CNTNAP2: variants seen among roughly 807,000 people sequenced by gnomAD.
The protein encoded by CNTNAP2 is contactin associated protein 2, also known as contactin-associated protein-like 2.
In CNTNAP2, 98 loss-of-function variants were observed where a neutral mutation model predicts 155.2. That is an observed-to-expected ratio of 0.63 (90% CI 0.54 to 0.75). The LOEUF (loss-of-function observed/expected upper bound fraction) is 0.75. Among genes scored for constraint, CNTNAP2 ranks in the 30% least tolerant of loss-of-function variants. The pLI is 0.00. For missense variants in CNTNAP2, 1,727 were observed against 1,688.1 expected, an observed-to-expected ratio of 1.02 and a Z score of -0.40; for synonymous variants, 651 against 631.2, an observed-to-expected ratio of 1.03 and a Z score of -0.47.
intron 14 of CNTNAP2, among the ~76,000 whole-genome samples, chr7:147,962,728 C>T (rs1585050700): frequency 6.6e-6 from 1 of 152,300 alleles, no homozygotes; most frequent in African/African-American, 2.4e-5. Flanking sequence ...GTGGTAGGCA[C>T]TGTGCTAAGT....
At chr7:146,840,946 A>T (rs1009814674) in intron 3 of CNTNAP2, among the ~76,000 whole-genome samples, 1 of 152,212 alleles carries the variant, frequency 6.6e-6, no homozygotes, top group Non-Finnish European at 1.5e-5. Flanking sequence ...ATATTTGTGT[A>T]TTAGGATGTA....
intron 11 of CNTNAP2, among the ~76,000 whole-genome samples, chr7:147,538,565 G>T (rs758884572): frequency 2.2e-4 from 34 of 151,990 alleles, no homozygotes; most frequent in African/African-American, 8.2e-4. Context: ...CAGGAGGATC[G>T]CTTGAGCCCA....
intron 13 of CNTNAP2, among the ~76,000 whole-genome samples, chr7:147,702,189 G>A (rs960505648): frequency 9.9e-5 from 15 of 150,858 alleles, no homozygotes; most frequent in African/African-American, 3.2e-4. Flanking sequence ...GACATCTCTC[G>A]TCGGATCCAC....
chr7:147,793,366 G>A (rs745921180), intron 13 of CNTNAP2, among the ~76,000 whole-genome samples: 1 of 152,032 alleles, frequency 6.6e-6, no homozygotes, highest in Non-Finnish European at 1.5e-5. Flanking sequence ...TTTGTATATG[G>A]TGTGAGATAG....
At chr7:148,242,381 G>A (rs1023697568) in intron 20 of CNTNAP2, among the ~76,000 whole-genome samples, 1 of 152,224 alleles carries the variant, frequency 6.6e-6, no homozygotes, top group African/African-American at 2.4e-5. Flanking sequence ...GCAGGGAGAA[G>A]TCAGTCCTGG....
At chr7:146,874,289 C>CT (rs528509310) in intron 3 of CNTNAP2, among the ~76,000 whole-genome samples, 8 of 151,992 alleles carry the variant, frequency 5.3e-5, no homozygotes, top group African/African-American at 1.7e-4. Flanking sequence ...TCTATTAGAA[C>CT]TTTGTCTAGA....
At chr7:147,099,362 C>T (rs906473875) in intron 4 of CNTNAP2, among the ~76,000 whole-genome samples, 6 of 151,934 alleles carry the variant, frequency 3.9e-5, no homozygotes, top group African/African-American at 1.2e-4. Context: ...TCAGCAAGGC[C>T]CCAGATGTCA....
chr7:147,621,302 C>T (rs1352518598), intron 12 of CNTNAP2, among the ~76,000 whole-genome samples: 1 of 152,020 alleles, frequency 6.6e-6, no homozygotes, highest in Non-Finnish European at 1.5e-5. Context: ...AGTACAAACT[C>T]ACTGGTAATA....
chr7:146,495,886 G>A (rs111754547), intron 1 of CNTNAP2, among the ~76,000 whole-genome samples: 2,253 of 152,172 alleles, frequency 0.015, 60 homozygotes, highest in African/African-American at 0.052. Flanking sequence ...AATTCACCTT[G>A]CCAGAATTTC....
intron 1 of CNTNAP2, among the ~76,000 whole-genome samples, chr7:146,542,610 C>T (rs1797968886): frequency 6.6e-6 from 1 of 151,906 alleles, no homozygotes; most frequent in Non-Finnish European, 1.5e-5. Context: ...CCCCTTACTT[C>T]CTGTGATATG....
At chr7:146,217,339 T>C in intron 1 of CNTNAP2, among the ~76,000 whole-genome samples, 1 of 152,236 alleles carries the variant, frequency 6.6e-6, no homozygotes, top group East Asian at 1.9e-4. Context: ...ACATACTCTT[T>C]ATGACAATCC....
At chr7:147,734,771 C>T (rs1158139259) in intron 13 of CNTNAP2, among the ~76,000 whole-genome samples, 1 of 152,122 alleles carries the variant, frequency 6.6e-6, no homozygotes, top group African/African-American at 2.4e-5. Context: ...AGGAATTTAT[C>T]CATGTCTTCT....
intron 15 of CNTNAP2, among the ~76,000 whole-genome samples, chr7:148,027,766 G>A (rs1802400025): frequency 6.6e-6 from 1 of 152,038 alleles, no homozygotes; most frequent in Admixed American, 6.6e-5. Flanking sequence ...AAAAAAGAAA[G>A]GATTTCATAG....
chr7:148,163,801 T>C (rs1805596580), intron 17 of CNTNAP2, among the ~76,000 whole-genome samples: 2 of 152,256 alleles, frequency 1.3e-5, no homozygotes, highest in South Asian at 4.1e-4. Flanking sequence ...AGCTCTGCAC[T>C]AAAGAATATG....
intron 1 of CNTNAP2, among the ~76,000 whole-genome samples, chr7:146,693,318 AT>A (rs907353473): frequency 6.6e-6 from 1 of 152,040 alleles, no homozygotes; most frequent in African/African-American, 2.4e-5. Flanking sequence ...TAGATGTCTT[AT>A]TTTTTGACAT....
intron 19 of CNTNAP2, among the ~76,000 whole-genome samples, chr7:148,217,877 CACTT>C (rs1254308074): frequency 6.6e-6 from 1 of 152,264 alleles, no homozygotes; most frequent in African/African-American, 2.4e-5. Context: ...GTAATCCCAG[CACTT>C]TGGGAGGCCA....
intron 15 of CNTNAP2, among the ~76,000 whole-genome samples, chr7:148,042,215 G>C (rs185434564): frequency 1.9e-3 from 283 of 152,336 alleles, no homozygotes; most frequent in African/African-American, 6.7e-3. Flanking sequence ...CTTCAGTCAA[G>C]TTCAGTAGCA....
chr7:147,358,069 T>A (rs896587143), intron 9 of CNTNAP2, among the ~76,000 whole-genome samples: 11 of 152,150 alleles, frequency 7.2e-5, no homozygotes, highest in Non-Finnish European at 1.3e-4. Flanking sequence ...AACTTTCTTA[T>A]GATATCATGC....
chr7:147,102,627 A>C (rs892091267), intron 4 of CNTNAP2, among the ~76,000 whole-genome samples: 1 of 152,120 alleles, frequency 6.6e-6, no homozygotes, highest in African/African-American at 2.4e-5. Flanking sequence ...GTTTTGTTCC[A>C]TTTTCCCCAA....
Sources: allele counts gnomAD v4.1 joint callset (sites outside exome capture counted in the v4.1 genomes callset), GRCh38; gene constraint gnomAD v4.1.1; transcripts MANE v1.5; gene names NCBI Gene and HGNC (gene_info 2026-07-23, HGNC 2026-07-21).